Variants in MAP3K4 observed in about 807,000 individuals in gnomAD.
The protein encoded by MAP3K4 is mitogen-activated protein kinase kinase kinase 4.
Under a neutral mutation model 185.6 loss-of-function variants are expected in MAP3K4, and 67 were observed. The observed-to-expected ratio is 0.36, with a 90% CI of 0.30 to 0.44. The LOEUF is 0.44. Among genes scored for constraint, MAP3K4 ranks in the 20% least tolerant of loss-of-function variants. The pLI is 1.00. For missense variants in MAP3K4, 1,551 were observed against 1,995.1 expected (o/e 0.78, Z 4.24); for synonymous variants, 702 against 710.4 (o/e 0.99, Z 0.19).
rs1778563494 is a variant in MAP3K4, at chr6:161,115,749, C to T, written c.4806+447C>T. ...ACCTTAGTTGTTTAAGAGCCACAGCCAGGTCAGAAGTGGGGGAGGGGGCAT... is the reference window on the plus strand; with the variant it reads ...ACCTTAGTTGTTTAAGAGCCACAGCTAGGTCAGAAGTGGGGGAGGGGGCAT... On this transcript the variant is annotated intron_variant, in intron 26 of 26. Coordinates refer to ENST00000392142, the MANE Select transcript of MAP3K4 (RefSeq NM_005922.4). The surrounding 1 kb of genome is among the most constrained non-coding windows in gnomAD (Gnocchi z 6.0). Among the ~76,000 whole-genome samples, 2 of 152,000 alleles carry T rather than the reference C, an allele frequency of 1.3e-5. No individual in the cohort carries two copies. Among genetic ancestry groups the T allele is most frequent in the African/African-American group, 2.4e-5 (1 of 41,350 alleles).
chr6:161,092,837 AACTT>A, intron 13 of MAP3K4, 137 bp from the exon 14 acceptor site: 1 of 499,130 alleles, frequency 2.0e-6, no homozygotes. Context: ...TCACGCTGTA[AACTT>A]ACTGAACCCA....
At chr6:161,102,822 A>C (rs1387684296) in intron 19 of MAP3K4, 43 bp downstream of exon 19, 6 of 1,279,242 alleles carry the variant, frequency 4.7e-6, no homozygotes, top group East Asian at 2.4e-5. Context: ...AAAAAAAAAA[A>C]AACACGATTA....
rs1215536707 is a variant in MAP3K4, at chr6:161,022,990, T to A, written c.153-11269T>A. Among the ~76,000 whole-genome samples the A allele has an allele frequency of 1.3e-5, 2 of 152,186 alleles. No homozygotes were observed. On this transcript the variant is annotated intron_variant, in intron 1 of 26. Transcript: ENST00000392142. This position sits in a 1 kb window ranked among gnomAD's most constrained non-coding sequence, Gnocchi z 4.2. ...AGAGCTGATTGAAAACATAAACAAG[T>A]ATAAATGTTTTATTCCCATTTAACA...
intron 1 of MAP3K4, among the ~76,000 whole-genome samples, chr6:161,015,408 G>A (rs547767886): frequency 6.6e-6 from 1 of 152,130 alleles, no homozygotes; most frequent in South Asian, 2.1e-4. Flanking sequence ...CATGGCACAC[G>A]TTTACCTATG....
chr6:161,044,460 C>T (rs189086103), intron 2 of MAP3K4, among the ~76,000 whole-genome samples: 10 of 152,248 alleles, frequency 6.6e-5, no homozygotes, highest in Non-Finnish European at 7.4e-5. Flanking sequence ...TTAGTCATGT[C>T]AGAGTGGGTA....
At chr6:161,028,023 C>CA (rs1562490561) in intron 1 of MAP3K4, among the ~76,000 whole-genome samples, 1 of 152,284 alleles carries the variant, frequency 6.6e-6, no homozygotes. Context: ...CCCAGCAGTA[C>CA]ACAGGTGGCC....
At chr6:160,999,742 C>G (rs189897861) in intron 1 of MAP3K4, among the ~76,000 whole-genome samples, 4 of 152,316 alleles carry the variant, frequency 2.6e-5, no homozygotes, top group Admixed American at 1.3e-4. Context: ...CTCCAGCCAC[C>G]TGCCATACAT....
In MAP3K4 at chr6:161,091,370, ACT is replaced by A; in HGVS notation, c.2974-6_2974-5del. The A allele has an allele frequency of 6.2e-7, 1 of 1,608,852 alleles. No individual in the cohort carries two copies. Among genetic ancestry groups the A allele is most frequent in the Non-Finnish European group, 8.5e-7 (1 of 1,177,722 alleles). ...TCATTTTGCATTAATCATGGTTTGG[ACT>A]CTTCAGAATGATGCATTGGAGCTAT... On this transcript the variant is annotated splice_region_variant and splice_polypyrimidine_tract_variant and intron_variant, in intron 11 of 26. Coordinates refer to ENST00000392142, the MANE Select transcript of MAP3K4 (RefSeq NM_005922.4). This position sits in a 1 kb window ranked among gnomAD's most constrained non-coding sequence, Gnocchi z 5.5.
rs1172886181 is a variant in MAP3K4, at chr6:161,070,047, G to A, written c.1708-561G>A. Among the ~76,000 whole-genome samples, 2 of 152,196 alleles carry A rather than the reference G, an allele frequency of 1.3e-5. No individual in the cohort carries two copies. Among genetic ancestry groups the A allele is most frequent in the African/African-American group, 2.4e-5 (1 of 41,446 alleles). The stretch of plus-strand genomic sequence containing the variant: ...ATCACAAAACGGATAACTGAGTCAT[G>A]CCAACCAGGTTGATCTTAACGATTT... On this transcript the variant is annotated intron_variant, in intron 3 of 26. Coordinates refer to ENST00000392142, the MANE Select transcript of MAP3K4 (RefSeq NM_005922.4). This position sits in a 1 kb window ranked among gnomAD's most constrained non-coding sequence, Gnocchi z 4.5.
intron 3 of MAP3K4, among the ~76,000 whole-genome samples, chr6:161,068,347 G>A (rs1372701815): frequency 6.6e-6 from 1 of 152,192 alleles, no homozygotes; most frequent in Admixed American, 6.5e-5. Context: ...CTAATGAGAG[G>A]AAGAGTTCAC....
At chr6:161,024,612 A>C (rs1489683239) in intron 1 of MAP3K4, among the ~76,000 whole-genome samples, 3 of 152,098 alleles carry the variant, frequency 2.0e-5, no homozygotes, top group African/African-American at 4.8e-5. Context: ...AAGTCCCGCA[A>C]CTTGGGTTTG....
intron 1 of MAP3K4, among the ~76,000 whole-genome samples, chr6:160,998,885 C>G (rs745595077): frequency 6.6e-6 from 1 of 152,146 alleles, no homozygotes; most frequent in Non-Finnish European, 1.5e-5. Context: ...AATCGAGTGC[C>G]TTTGCCTTTA....
At chr6:161,047,117 C>CATATATATATATATATATAT (rs3050257) in intron 2 of MAP3K4, among the ~76,000 whole-genome samples, 66 of 134,992 alleles carry the variant, frequency 4.9e-4, no homozygotes, top group African/African-American at 1.6e-3. Context: ...TTCACTTATG[C>CATATATATATATATATATAT]ATATATATAT....
At position 161,063,970 on chromosome 6, in the gene MAP3K4, C is replaced by T. The variant is rs572742539; in HGVS notation, c.1708-6638C>T. Reference sequence around the variant, plus strand: ...ACCTCTTCTCTTTGGGGAGTCATGACCACCCCTTTTCATCTAGTTTTGTTG... The same window carrying T: ...ACCTCTTCTCTTTGGGGAGTCATGATCACCCCTTTTCATCTAGTTTTGTTG... On this transcript the variant is annotated intron_variant, in intron 3 of 26. Transcript: ENST00000392142. The surrounding 1 kb of genome is among the most constrained non-coding windows in gnomAD (Gnocchi z 5.4). Among the ~76,000 whole-genome samples the T allele has an allele frequency of 6.6e-6, 1 of 152,226 alleles. No individual in the cohort carries two copies. Among genetic ancestry groups the T allele is most frequent in the East Asian group, 1.9e-4 (1 of 5,184 alleles).
chr6:161,033,189 T>C (rs1465184380), intron 1 of MAP3K4, among the ~76,000 whole-genome samples: 1 of 152,150 alleles, frequency 6.6e-6, no homozygotes, highest in Non-Finnish European at 1.5e-5. Context: ...ATATACTGGA[T>C]ATAATTTGGA....
intron 2 of MAP3K4, among the ~76,000 whole-genome samples, chr6:161,041,926 C>T (rs11756924): frequency 0.59 from 26,531 of 44,612 alleles, 6,538 homozygotes; most frequent in East Asian, 0.75. Context: ...TTTTTTTTTT[C>T]TTTTTTTTTT....
Position 161,092,064 on chromosome 6 carries a change from G to C in MAP3K4, c.3190G>C (p.Asp1064His). Residue 1064 changes from aspartate (D) to histidine (H), a missense_variant, in exon 13 of 27, where the codon GAC (aspartate) becomes CAC (histidine). Physicochemically the swap from Asp to His is moderately conservative, Grantham distance 81. Transcript: ENST00000392142. ...MSGEFRQKIGDKYISFARKWM... is the reference protein window; with the variant it reads ...MSGEFRQKIGHKYISFARKWM... Reference sequence around the variant, plus strand: ...TGGGGAGTTTAGACAGAAGATAGGAGACAAATATATAAGCTTTGCCCGGAA... The same window carrying C: ...TGGGGAGTTTAGACAGAAGATAGGACACAAATATATAAGCTTTGCCCGGAA... The C allele has an allele frequency of 6.2e-7, 1 of 1,613,750 alleles. No homozygotes were observed. The highest frequency in any genetic ancestry group is 1.1e-5 in the South Asian group (1 of 91,062).
At position 161,098,266 on chromosome 6, in the gene MAP3K4, T is replaced by G; in HGVS notation, c.3525-12T>G. The G allele has an allele frequency of 6.2e-7, 1 of 1,609,024 alleles. No homozygotes were observed. Reference sequence around the variant, plus strand: ...CTCACATGTGTTCCTGAAGCTTTTCTTCTTGTCTTAGCACTCGGAGCATGC... The same window carrying G: ...CTCACATGTGTTCCTGAAGCTTTTCGTCTTGTCTTAGCACTCGGAGCATGC... On this transcript the variant is annotated splice_polypyrimidine_tract_variant and intron_variant, in intron 16 of 26. Coordinates refer to ENST00000392142, the MANE Select transcript of MAP3K4 (RefSeq NM_005922.4). This position sits in a 1 kb window ranked among gnomAD's most constrained non-coding sequence, Gnocchi z 4.4.
At chr6:160,998,903 A>T (rs1009381753) in intron 1 of MAP3K4, among the ~76,000 whole-genome samples, 1 of 152,234 alleles carries the variant, frequency 6.6e-6, no homozygotes, top group African/African-American at 2.4e-5. Flanking sequence ...TTAAATATTT[A>T]TTCACTAGCA....
Sources: allele counts gnomAD v4.1 joint callset (sites outside exome capture counted in the v4.1 genomes callset), GRCh38; gene constraint gnomAD v4.1.1; non-coding constraint Gnocchi (gnomAD v3.1); transcripts MANE v1.5; gene names NCBI Gene and HGNC (gene_info 2026-07-23, HGNC 2026-07-21).